LRFN5: variants seen among roughly 807,000 people sequenced by gnomAD.
LRFN5 encodes leucine-rich repeat and fibronectin type-III domain-containing protein 5.
LRFN5 carries 24 observed loss-of-function variants against 45.6 expected under a neutral mutation model. The ratio of observed to expected loss-of-function variants is 0.53; its 90% confidence interval spans 0.38 to 0.74. The LOEUF (loss-of-function observed/expected upper bound fraction) is 0.74, where lower values mean the gene tolerates loss of function less well. Ranked by LOEUF, LRFN5 falls within the 30% of genes least tolerant of loss-of-function variation. The pLI is 0.00. For synonymous variants in LRFN5, 340 were observed against 313.8 expected (o/e 1.08, Z -0.88); for missense variants, 776 against 861.5 (o/e 0.90, Z 1.24).
chr14:41,718,730 G>A (rs955750425), intron 1 of LRFN5, among the ~76,000 whole-genome samples: 1 of 152,114 alleles, frequency 6.6e-6, no homozygotes, highest in African/African-American at 2.4e-5. Context: ...ATTCATCTAC[G>A]CTAAATCTAA....
intron 1 of LRFN5, among the ~76,000 whole-genome samples, chr14:41,633,159 A>G (rs1330082495): frequency 6.8e-6 from 1 of 146,000 alleles, no homozygotes; most frequent in East Asian, 1.9e-4. Context: ...AAAATACAGC[A>G]TAATAAATGA....
intron 1 of LRFN5, among the ~76,000 whole-genome samples, chr14:41,684,625 A>C (rs1328354147): frequency 6.6e-6 from 1 of 152,226 alleles, no homozygotes; most frequent in East Asian, 1.9e-4. Flanking sequence ...GTGAGGACAC[A>C]GCCAAACCAT....
intron 2 of LRFN5, among the ~76,000 whole-genome samples, chr14:41,805,845 CT>C (rs1760797856): frequency 6.6e-6 from 1 of 151,886 alleles, no homozygotes; most frequent in African/African-American, 2.4e-5. Context: ...GAGTGGTTTT[CT>C]TTTTGGTTGT....
intron 1 of LRFN5, among the ~76,000 whole-genome samples, chr14:41,610,618 T>C (rs1183197762): frequency 8.2e-6 from 1 of 121,770 alleles, no homozygotes; most frequent in East Asian, 2.4e-4. Flanking sequence ...AGAAGATATC[T>C]CGACTTTAAC....
At chr14:41,868,925 A>G (rs1889927898) in intron 2 of LRFN5, among the ~76,000 whole-genome samples, 2 of 152,158 alleles carry the variant, frequency 1.3e-5, no homozygotes, top group Non-Finnish European at 2.9e-5. Context: ...ATTCCCTCCA[A>G]TCACTGGCAA....
chr14:41,866,122 A>G (rs532979068), intron 2 of LRFN5, among the ~76,000 whole-genome samples: 34 of 152,248 alleles, frequency 2.2e-4, no homozygotes, highest in African/African-American at 7.7e-4. Flanking sequence ...ACTACTCCCA[A>G]TTTCAAGGCC....
chr14:41,672,692 T>G (rs543922155), intron 1 of LRFN5, among the ~76,000 whole-genome samples: 1 of 152,316 alleles, frequency 6.6e-6, no homozygotes, highest in Admixed American at 6.5e-5. Context: ...TGAAACTCAT[T>G]GAATCTCCCT....
chr14:41,784,187 A>C (rs1320102386), intron 2 of LRFN5, among the ~76,000 whole-genome samples: 1 of 152,140 alleles, frequency 6.6e-6, no homozygotes, highest in Non-Finnish European at 1.5e-5. Context: ...TTCCAAATGT[A>C]TCAGAGTATA....
intron 1 of LRFN5, among the ~76,000 whole-genome samples, chr14:41,680,731 G>C (rs145971565): frequency 1.3e-5 from 2 of 152,090 alleles, no homozygotes; most frequent in East Asian, 3.9e-4. Context: ...ATGAAATCCA[G>C]ATTATCCTGG....
intron 2 of LRFN5, among the ~76,000 whole-genome samples, chr14:41,780,017 G>T (rs1168067025): frequency 6.6e-6 from 1 of 151,330 alleles, no homozygotes; most frequent in Non-Finnish European, 1.5e-5. Context: ...TTTTCTCTAG[G>T]CTCCTAAAGT....
chr14:41,851,755 G>T (rs1484952673), intron 2 of LRFN5, among the ~76,000 whole-genome samples: 1 of 151,826 alleles, frequency 6.6e-6, no homozygotes, highest in Non-Finnish European at 1.5e-5. Flanking sequence ...ACATCAGTTT[G>T]CATTACACAG....
intron 1 of LRFN5, among the ~76,000 whole-genome samples, chr14:41,763,054 G>A (rs1473942506): frequency 6.6e-6 from 1 of 152,144 alleles, no homozygotes; most frequent in African/African-American, 2.4e-5. Context: ...ATATTCTGGT[G>A]TCTTCAAGTA....
intron 1 of LRFN5, among the ~76,000 whole-genome samples, chr14:41,636,742 C>A (rs887387980): frequency 5.9e-5 from 9 of 152,100 alleles, no homozygotes; most frequent in Non-Finnish European, 1.3e-4. Flanking sequence ...ATGCAGCAAG[C>A]CACATGAAGT....
intron 2 of LRFN5, among the ~76,000 whole-genome samples, chr14:41,767,468 C>T (rs1315996059): frequency 2.0e-5 from 3 of 151,896 alleles, no homozygotes; most frequent in Non-Finnish European, 4.4e-5. Context: ...GTGTTGTTTC[C>T]ATGGCTTTGA....
At chr14:41,633,883 A>G (rs564222998) in intron 1 of LRFN5, among the ~76,000 whole-genome samples, 2 of 152,238 alleles carry the variant, frequency 1.3e-5, no homozygotes, top group East Asian at 3.9e-4. Context: ...CCTATGCTTT[A>G]TAGCAATCCA....
chr14:41,813,507 C>G (rs1887809345), intron 2 of LRFN5, among the ~76,000 whole-genome samples: 1 of 152,136 alleles, frequency 6.6e-6, no homozygotes, highest in African/African-American at 2.4e-5. Flanking sequence ...ATCCATGTCC[C>G]TACAAAGGAC....
chr14:41,673,963 C>T (rs1393952828), intron 1 of LRFN5, among the ~76,000 whole-genome samples: 2 of 146,772 alleles, frequency 1.4e-5, no homozygotes, highest in Non-Finnish European at 3.0e-5. Context: ...CCCCACCTCC[C>T]TCCCGGACGG....
intron 1 of LRFN5, among the ~76,000 whole-genome samples, chr14:41,674,522 C>T (rs577624398): frequency 2.0e-4 from 29 of 142,196 alleles, no homozygotes; most frequent in African/African-American, 7.3e-4. Context: ...CTCCACCTCT[C>T]TCCAGGACGG....
intron 4 of LRFN5, among the ~76,000 whole-genome samples, chr14:41,895,210 A>G (rs1287013386): frequency 6.6e-6 from 1 of 152,218 alleles, no homozygotes; most frequent in Non-Finnish European, 1.5e-5. Flanking sequence ...TCATAAAGGG[A>G]TAATGAAGCA....
Sources: allele counts gnomAD v4.1 joint callset (sites outside exome capture counted in the v4.1 genomes callset), GRCh38; gene constraint gnomAD v4.1.1; transcripts MANE v1.5; gene names NCBI Gene and HGNC (gene_info 2026-07-23, HGNC 2026-07-21).